SLC5A11: variants seen among roughly 807,000 people sequenced by gnomAD.
SLC5A11 encodes the protein solute carrier family 5 member 11, also known as sodium/myo-inositol cotransporter 2.
SLC5A11 carries 48 observed loss-of-function variants against 69.8 expected under a neutral mutation model. That is an observed-to-expected ratio of 0.69 (90% CI 0.55 to 0.87). SLC5A11 has a LOEUF of 0.87. Ranked by LOEUF, SLC5A11 falls within the 40% of genes least tolerant of loss-of-function variation. SLC5A11 has a pLI of 0.00. For synonymous variants in SLC5A11, 319 were observed against 342.4 expected (o/e 0.93, Z 0.75); for missense variants, 784 against 866.1 (o/e 0.91, Z 1.19).
chr16:24,848,299 G>C (rs533875599), intron 1 of SLC5A11, among the ~76,000 whole-genome samples: 1 of 152,154 alleles, frequency 6.6e-6, no homozygotes, highest in African/African-American at 2.4e-5. Context: ...TCTGGCTTCC[G>C]TGTGAGGGGC....
At chr16:24,893,089 G>A (rs980991215) in intron 9 of SLC5A11, among the ~76,000 whole-genome samples, 13 of 144,862 alleles carry the variant, frequency 9.0e-5, no homozygotes, top group Non-Finnish European at 1.8e-4. Flanking sequence ...TGGCCAACAT[G>A]GCAAAACCCT....
Position 24,853,483 on chromosome 16 carries a change from G to A in SLC5A11, c.-24-5137G>A, listed in dbSNP as rs555160449. 2.6e-3 allele frequency among the ~76,000 whole-genome samples: 400 copies of A among 152,252 alleles called. 2 individuals carry two copies. The highest frequency in any genetic ancestry group is 0.01 in the Middle Eastern group (3 of 294). On this transcript the variant is annotated intron_variant, in intron 1 of 15. Transcript: ENST00000347898. ...GGCACACAGCTGGTGACTAATAAAT[G>A]TTCCACTAAGTCCTCAGGGCCTGGC...
intron 7 of SLC5A11, among the ~76,000 whole-genome samples, chr16:24,877,911 G>A (rs1367878494): frequency 6.6e-6 from 1 of 152,254 alleles, no homozygotes; most frequent in Non-Finnish European, 1.5e-5. Flanking sequence ...TTGAACCCGG[G>A]AGGCGGAGGT....
At chr16:24,886,645 GTA>G (rs1335412122) in intron 8 of SLC5A11, among the ~76,000 whole-genome samples, 1 of 152,110 alleles carries the variant, frequency 6.6e-6, no homozygotes, top group Non-Finnish European at 1.5e-5. Flanking sequence ...AGATCTCCAG[GTA>G]GAAGAAGCAT....
chr16:24,897,933 T>C lies in SLC5A11; in HGVS notation c.871-41T>C, dbSNP rs141072783. 43 of 1,608,196 alleles carry C rather than the reference T, an allele frequency of 2.7e-5. No individual in the cohort carries two copies. In the African/African-American group the frequency reaches 4.8e-4, roughly 18 times the overall value. ...TTTGGGTGGGGACACAACCAAACTA[T>C]ATCAGCATTCCCAGTTTCCAACCCC... is the stretch of plus-strand genomic sequence containing the variant. On this transcript the variant is annotated intron_variant, in intron 9 of 15. Transcript: ENST00000347898.
At chr16:24,863,117 T>C (rs2046707173) in intron 3 of SLC5A11, among the ~76,000 whole-genome samples, 1 of 146,630 alleles carries the variant, frequency 6.8e-6, no homozygotes, top group Admixed American at 7.0e-5. Flanking sequence ...ATAATAAATA[T>C]GTAAATATAT....
chr16:24,851,174 A>G (rs1275428927), intron 1 of SLC5A11, among the ~76,000 whole-genome samples: 1 of 151,796 alleles, frequency 6.6e-6, no homozygotes, highest in African/African-American at 2.4e-5. Context: ...CTCTGTCACC[A>G]GGCTGGAATG....
intron 3 of SLC5A11, among the ~76,000 whole-genome samples, chr16:24,868,234 A>T (rs1036328884): frequency 1.3e-5 from 2 of 151,542 alleles, no homozygotes; most frequent in Non-Finnish European, 2.9e-5. Context: ...TTCAACGATA[A>T]ACTCTTCCAA....
rs190908573 is a variant in SLC5A11 at position 24,851,398 on chromosome 16, C to T, written c.-25+4960C>T. Among the ~76,000 whole-genome samples the T allele has an allele frequency of 5.6e-3, 855 of 152,122 alleles. 8 individuals are homozygous for T. Among genetic ancestry groups the T allele is most frequent in the African/African-American group, 0.02 (810 of 41,516 alleles). Reference sequence around the variant, plus strand: ...AAAATTAGCCGGACGTGGTTGCAAACGCCTGTAATCCCAGCTACCTGGGAG... The same window carrying T: ...AAAATTAGCCGGACGTGGTTGCAAATGCCTGTAATCCCAGCTACCTGGGAG... On this transcript the variant is annotated intron_variant, in intron 1 of 15. Coordinates refer to ENST00000347898, the Ensembl canonical transcript of SLC5A11.
chr16:24,901,716 TA>T (rs2049606387), intron 10 of SLC5A11, among the ~76,000 whole-genome samples: 1 of 152,052 alleles, frequency 6.6e-6, no homozygotes, highest in Non-Finnish European at 1.5e-5. Context: ...TGGGGGCCCA[TA>T]AGTGAACAAG....
At chr16:24,906,138 C>A (rs2050039619) in intron 10 of SLC5A11, among the ~76,000 whole-genome samples, 1 of 151,904 alleles carries the variant, frequency 6.6e-6, no homozygotes, top group Non-Finnish European at 1.5e-5. Context: ...GTCAGGAGTT[C>A]GAGACCAGCC....
intron 3 of SLC5A11, among the ~76,000 whole-genome samples, chr16:24,867,906 G>A (rs1014951541): frequency 1.3e-5 from 2 of 152,092 alleles, no homozygotes; most frequent in African/African-American, 4.8e-5. Context: ...GGAGGCTGAA[G>A]AGGGCGAATC....
At position 24,905,396 on chromosome 16, in the gene SLC5A11, T is replaced by C. The variant is rs1597292948; in HGVS notation, c.1007-1261T>C. Among the ~76,000 whole-genome samples, 4 of 151,448 alleles carry C rather than the reference T, an allele frequency of 2.6e-5. No homozygotes were observed. In the South Asian group the frequency reaches 8.3e-4, roughly 32 times the overall value. The stretch of plus-strand genomic sequence containing the variant: ...AAGAGGAAGTTGCAGTGAGCCGAGA[T>C]TGTGCCACGCACTCCAGTCTGGGCG... On this transcript the variant is annotated intron_variant, in intron 10 of 15. Transcript: ENST00000347898.
intron 3 of SLC5A11, among the ~76,000 whole-genome samples, chr16:24,865,867 TATAAC>T (rs1433280437): frequency 3.3e-5 from 5 of 151,798 alleles, no homozygotes; most frequent in Non-Finnish European, 5.9e-5. Flanking sequence ...TGTAAGTAAA[TATAAC>T]ATACAGTATA....
chr16:24,868,874 CTT>C (rs112705793), intron 3 of SLC5A11, among the ~76,000 whole-genome samples: 51 of 136,874 alleles, frequency 3.7e-4, no homozygotes, highest in African/African-American at 1.3e-3. Context: ...CTGGATCTGC[CTT>C]TTTTTTTTTT....
chr16:24,872,332 C>A, intron 5 of SLC5A11, 113 bp downstream of exon 6: 1 of 1,255,714 alleles, frequency 8.0e-7, no homozygotes, highest in South Asian at 1.2e-5. Context: ...GTCATGTATT[C>A]GATTGCCACT....
At chr16:24,873,247 GAGGA>G (rs549215226) in intron 5 of SLC5A11, among the ~76,000 whole-genome samples, 20,714 of 101,124 alleles carry the variant, frequency 0.2, 2,044 homozygotes, top group Middle Eastern at 0.26. Context: ...GAGAGGGAGG[GAGGA>G]AGGAAGGAAG....
chr16:24,900,339 G>C (rs1302388809), intron 10 of SLC5A11, among the ~76,000 whole-genome samples: 1 of 152,192 alleles, frequency 6.6e-6, no homozygotes, highest in African/African-American at 2.4e-5. Context: ...GTGGTTTGTA[G>C]TTGGCTCAGA....
At chr16:24,893,614 A>G (rs1040597253) in intron 9 of SLC5A11, among the ~76,000 whole-genome samples, 1 of 152,002 alleles carries the variant, frequency 6.6e-6, no homozygotes, top group Non-Finnish European at 1.5e-5. Context: ...TCTGTTGCCC[A>G]GGCTGGAGTA....
Sources: gnomAD v4.1 joint callset for allele counts (sites outside exome capture counted in the v4.1 genomes callset) on GRCh38, gnomAD v4.1.1 for gene constraint, MANE v1.5 for transcripts, NCBI Gene and HGNC (gene_info 2026-07-23, HGNC 2026-07-21) for gene names.